Variants in STK32C observed in about 807,000 individuals in gnomAD.
STK32C encodes serine/threonine-protein kinase 32C.
In STK32C, 31 loss-of-function variants were observed where a neutral mutation model predicts 56.5. The ratio of observed to expected loss-of-function variants is 0.55; its 90% CI spans 0.41 to 0.74. The LOEUF (loss-of-function observed/expected upper bound fraction) is 0.74. Among genes scored for constraint, STK32C ranks in the 30% least tolerant of loss-of-function variants. The pLI is 0.00. For synonymous variants in STK32C, 309 were observed against 289.4 expected (o/e 1.07, Z -0.69); for missense variants, 544 against 676.9 (o/e 0.80, Z 2.18).
intron 1 of STK32C, among the ~76,000 whole-genome samples, chr10:132,327,775 C>A (rs1375224953): frequency 6.6e-6 from 1 of 152,206 alleles, no homozygotes; most frequent in East Asian, 1.9e-4. Flanking sequence ...CCATGCTTGG[C>A]CTATAATAGG....
chr10:132,258,995 C>T (rs1224462632), intron 1 of STK32C, among the ~76,000 whole-genome samples: 4 of 152,182 alleles, frequency 2.6e-5, no homozygotes, highest in African/African-American at 9.7e-5. Context: ...AGCATTCACT[C>T]GACAACACAT....
chr10:132,271,933 C>T (rs1408108972), intron 1 of STK32C, among the ~76,000 whole-genome samples: 33 of 152,370 alleles, frequency 2.2e-4, no homozygotes, highest in Admixed American at 1.5e-3. Flanking sequence ...CCCGGACGCC[C>T]GGACCTCCTC....
chr10:132,246,723 G>A (rs778713057), intron 1 of STK32C, among the ~76,000 whole-genome samples: 5 of 152,162 alleles, frequency 3.3e-5, no homozygotes, highest in Non-Finnish European at 5.9e-5. Context: ...TTTCCAGACC[G>A]TCTGCACTTG....
chr10:132,223,966 G>A (rs899135950), intron 8 of STK32C, among the ~76,000 whole-genome samples: 2 of 152,226 alleles, frequency 1.3e-5, no homozygotes, highest in African/African-American at 4.8e-5. Context: ...GGTGTTTGCA[G>A]TGGGCAGTGG....
upstream of STK32C, among the ~76,000 whole-genome samples, chr10:132,308,899 C>A (rs1216646670): frequency 6.6e-6 from 1 of 152,210 alleles, no homozygotes; most frequent in African/African-American, 2.4e-5. Context: ...TGCATGGAGC[C>A]TCGCCGCCTG....
intron 2 of STK32C, among the ~76,000 whole-genome samples, chr10:132,234,973 AC>A (rs1172682292): frequency 2.0e-5 from 3 of 152,242 alleles, no homozygotes; most frequent in African/African-American, 7.2e-5. Flanking sequence ...GGCACCAGAC[AC>A]ACGGTTGGGG....
intron 2 of STK32C, among the ~76,000 whole-genome samples, chr10:132,230,676 T>TGGTGGGGGGGGG (rs1301559652): frequency 1.0e-3 from 7 of 6,762 alleles, no homozygotes; most frequent in African/African-American, 2.5e-3. Flanking sequence ...GGGGGGAAGC[T>TGGTGGGGGGGGG]GGCGGGGGGG....
intron 1 of STK32C, among the ~76,000 whole-genome samples, chr10:132,289,702 G>C (rs1417509067): frequency 6.6e-6 from 1 of 152,226 alleles, no homozygotes; most frequent in Non-Finnish European, 1.5e-5. Flanking sequence ...TGTTCTCACA[G>C]GGTAGAAAGG....
In STK32C at chr10:132,302,369, T is replaced by C. The variant is rs377481237; in HGVS notation, c.262+5203A>G. Among the ~76,000 whole-genome samples the C allele has an allele frequency of 8.5e-5, 13 of 152,170 alleles. No individual in the cohort carries two copies. In the East Asian group the frequency reaches 1.7e-3, roughly 20 times the overall value. On this transcript the variant is annotated intron_variant, in intron 1 of 11. Coordinates refer to ENST00000298630, the MANE Select transcript of STK32C (RefSeq NM_173575.4). ...ATTTGTTACATAAAAAGTATGACAG[T>C]AGGTCCCGAGTCCATTCTAGAGCAG...
intron 2 of STK32C, among the ~76,000 whole-genome samples, chr10:132,230,663 C>T (rs1026882724): frequency 2.3e-5 from 1 of 43,340 alleles, no homozygotes; most frequent in African/African-American, 1.1e-4. Context: ...GCTCTTGCTG[C>T]TGGGGGGGAA....
intron 2 of STK32C, among the ~76,000 whole-genome samples, chr10:132,239,712 G>T (rs1228434920): frequency 6.6e-6 from 1 of 152,238 alleles, no homozygotes; most frequent in Non-Finnish European, 1.5e-5. Flanking sequence ...AGACGCTGCT[G>T]GACATCGTCA....
At chr10:132,230,299 C>T (rs773956684) in intron 2 of STK32C, among the ~76,000 whole-genome samples, 10 of 152,250 alleles carry the variant, frequency 6.6e-5, no homozygotes, top group Admixed American at 2.0e-4. Context: ...CCCCTCCTGC[C>T]GCTTCCCACT....
At chr10:132,253,152 C>T (rs2063966946) in intron 1 of STK32C, among the ~76,000 whole-genome samples, 1 of 152,228 alleles carries the variant, frequency 6.6e-6, no homozygotes, top group Non-Finnish European at 1.5e-5. Flanking sequence ...TCCAGGCTTA[C>T]CAGGAGCAAC....
rs1296590142 is a variant in STK32C at position 132,307,596 on chromosome 10, G to T, written c.238C>A (p.Pro80Thr). ...CCGTCCTCCTTGTCGTCAAACACCG[G>T]CCTCCGCGCGGTGGCCGCCGACATG... ...SSMSAATARR[P>T]VFDDKEDVNF... is the part of the protein sequence containing the mutation. Residue 80 changes from proline to threonine, a missense_variant, in exon 1 of 12, where the codon CCG becomes ACG. Transcript: ENST00000298630. This position sits in a 1 kb window ranked among gnomAD's most constrained non-coding sequence, Gnocchi z 4.4. 1.3e-6 allele frequency: 2 copies of T among 1,547,568 alleles called. No individual in the cohort carries two copies. The highest frequency in any genetic ancestry group is 1.7e-6 in the Non-Finnish European group (2 of 1,148,832).
intron 1 of STK32C, among the ~76,000 whole-genome samples, chr10:132,268,973 CG>C (rs1445487341): frequency 5.7e-5 from 5 of 87,060 alleles, no homozygotes; most frequent in East Asian, 3.3e-4. Context: ...GTGTGTGTGT[CG>C]GTGTGTGTGC....
chr10:132,317,875 G>A (rs1191839247), intron 1 of STK32C, among the ~76,000 whole-genome samples: 1 of 151,204 alleles, frequency 6.6e-6, no homozygotes, highest in Admixed American at 6.6e-5. Context: ...CTACTCGGGG[G>A]GCTGAGGCAG....
chr10:132,308,989 T>G (rs1437641481), upstream of STK32C, among the ~76,000 whole-genome samples: 1 of 152,228 alleles, frequency 6.6e-6, no homozygotes, highest in East Asian at 1.9e-4. Flanking sequence ...CCTTAAGTTC[T>G]GCCCTGTAAC....
At chr10:132,240,088 C>T (rs543819910) in intron 2 of STK32C, among the ~76,000 whole-genome samples, 37 of 151,994 alleles carry the variant, frequency 2.4e-4, no homozygotes, top group South Asian at 4.2e-4. Flanking sequence ...CCAAAGAAGA[C>T]CCCCAGGGAA....
rs13376966 is a variant in STK32C at position 132,326,903 on chromosome 10, T to C, written c.302-2530A>G. Among the ~76,000 whole-genome samples, 474 of 152,336 alleles carry C rather than the reference T, an allele frequency of 3.1e-3. 1 individual carries two copies. Among genetic ancestry groups the C allele is most frequent in the African/African-American group, 0.011 (455 of 41,564 alleles). Reference sequence around the variant, plus strand: ...TCAGACTTTTGTTTTTGGTTTACAATGTAGAAGAATATTAATTACTGGAAA... The same window carrying C: ...TCAGACTTTTGTTTTTGGTTTACAACGTAGAAGAATATTAATTACTGGAAA... On this transcript the variant is annotated intron_variant, in intron 1 of 1. Coordinates refer to the STK32C transcript ENST00000368619.
Sources: gnomAD v4.1 joint callset for allele counts (sites outside exome capture counted in the v4.1 genomes callset) on GRCh38, gnomAD v4.1.1 for gene constraint, Gnocchi (gnomAD v3.1) non-coding constraint, MANE v1.5 for transcripts, NCBI Gene and HGNC (gene_info 2026-07-23, HGNC 2026-07-21) for gene names.